Variants in TFB2M observed in about 807,000 individuals in gnomAD.
The protein encoded by TFB2M is transcription factor B2, mitochondrial.
Under a neutral mutation model 41.3 loss-of-function variants are expected in TFB2M, and 44 were observed. The ratio of observed to expected loss-of-function variants is 1.07; its 90% CI spans 0.84 to 1.37. The LOEUF (loss-of-function observed/expected upper bound fraction) is 1.37, where lower values mean the gene tolerates loss of function less well. Among genes scored for constraint, TFB2M ranks in the 40% most tolerant of loss-of-function variants. TFB2M has a pLI of 0.00. For missense variants in TFB2M, 496 were observed against 490.2 expected (o/e 1.01, Z -0.11); for synonymous variants, 188 against 176.8 (o/e 1.06, Z -0.50).
At chr1:246,561,681 C>A (rs981663414) in intron 2 of TFB2M, among the ~76,000 whole-genome samples, 1 of 152,142 alleles carries the variant, frequency 6.6e-6, no homozygotes, top group African/African-American at 2.4e-5. Context: ...GTTGGCCAGG[C>A]TGGTCTTGAA....
In TFB2M at chr1:246,556,683, C is replaced by A; in HGVS notation, c.595G>T (p.Gly199Cys). ...LKVVGMFPSR[G>C]EKRALWKLAY... ...AGTTTCCAAAGTGCCCTTTTCTCAC[C>A]TCTACTTGGGAACATTCCAACTACT... Residue 199 changes from glycine to cysteine, a missense_variant, in exon 4 of 8, where the codon GGT becomes TGT. Physicochemically the swap from Gly to Cys is radical, Grantham distance 159. Transcript: ENST00000366514. 1 of 1,580,752 alleles carries A rather than the reference C, an allele frequency of 6.3e-7. No individual in the cohort carries two copies. Among genetic ancestry groups the A allele is most frequent in the South Asian group, 1.2e-5 (1 of 83,876 alleles).
chr1:246,549,490 G>A (rs1377301202), intron 5 of TFB2M, among the ~76,000 whole-genome samples: 2 of 152,176 alleles, frequency 1.3e-5, no homozygotes, highest in Non-Finnish European at 2.9e-5. Context: ...GCTGAGGCGG[G>A]AGGATTGCTT....
intron 6 of TFB2M, among the ~76,000 whole-genome samples, chr1:246,548,109 G>T (rs1246179152): frequency 6.6e-6 from 1 of 152,152 alleles, no homozygotes; most frequent in African/African-American, 2.4e-5. Context: ...ACCACACCCA[G>T]CTAAGTTTTG....
chr1:246,557,666 T>C, intron 2 of TFB2M, 132 bp from the exon 3 acceptor site: 1 of 729,084 alleles, frequency 1.4e-6, no homozygotes, highest in South Asian at 2.4e-5. Context: ...CTGGGGTTTT[T>C]TTGTTTTGTT....
chr1:246,552,702 A>G (rs1659218663), intron 4 of TFB2M, among the ~76,000 whole-genome samples: 1 of 152,094 alleles, frequency 6.6e-6, no homozygotes, highest in Non-Finnish European at 1.5e-5. Flanking sequence ...CTGTCTCTAA[A>G]AAAATTTCTT....
rs1659509754 is a variant in TFB2M, at chr1:246,563,441, TA to T, written c.402+904del. The stretch of plus-strand genomic sequence containing the variant: ...CAACATGGTGAAACCCCGTCACTAC[TA>T]AAAATACAAAAGTCAGCTGGGCATA... On this transcript the variant is annotated intron_variant, in intron 2 of 7. Transcript: ENST00000366514. Among the ~76,000 whole-genome samples the T allele has an allele frequency of 2.0e-5, 3 of 152,014 alleles. No individual in the cohort carries two copies. In the South Asian group the frequency reaches 6.2e-4, roughly 32 times the overall value.
At chr1:246,554,649 T>C (rs916966131) in intron 4 of TFB2M, among the ~76,000 whole-genome samples, 2 of 152,154 alleles carry the variant, frequency 1.3e-5, no homozygotes, top group Admixed American at 6.6e-5. Context: ...GTATAATTAT[T>C]TCATTATATA....
intron 5 of TFB2M, among the ~76,000 whole-genome samples, chr1:246,549,280 G>T (rs181453718): frequency 6.6e-6 from 1 of 151,406 alleles, no homozygotes; most frequent in Admixed American, 6.6e-5. Flanking sequence ...TGTGCATAAG[G>T]CAATTTTAAG....
intron 2 of TFB2M, among the ~76,000 whole-genome samples, chr1:246,563,266 G>A (rs1483038295): frequency 6.7e-6 from 1 of 150,330 alleles, no homozygotes; most frequent in Non-Finnish European, 1.5e-5. Context: ...GCACTCATGT[G>A]TGAATAAGTG....
In TFB2M at chr1:246,564,542, G is replaced by C. The variant is rs917152426; in HGVS notation, c.314-108C>G. On this transcript the variant is annotated intron_variant, in intron 1 of 7. Transcript: ENST00000366514. ...ACGTTATTACCTGGTTTTTAAATCT[G>C]ACAGCATCCGCAAAGTAGATGTCAC... is the stretch of plus-strand genomic sequence containing the variant. 6.2e-5 allele frequency: 58 copies of C among 929,456 alleles called. No individual in the cohort carries two copies. The South Asian group carries it at 8.6e-4, about 14-fold the overall frequency. The allele number at this position is 929,456 out of a possible 1,614,324, so 57.6% of individuals were successfully genotyped here.
intron 5 of TFB2M, among the ~76,000 whole-genome samples, chr1:246,549,112 G>A (rs1379315214): frequency 6.6e-6 from 1 of 152,122 alleles, no homozygotes; most frequent in Non-Finnish European, 1.5e-5. Flanking sequence ...AAAGTGGGAG[G>A]GTTGCTTGAG....
chr1:246,542,661 G>A (rs943531548), intron 7 of TFB2M, among the ~76,000 whole-genome samples: 2 of 152,140 alleles, frequency 1.3e-5, no homozygotes, highest in Non-Finnish European at 2.9e-5. Flanking sequence ...AACAGAGTGA[G>A]ACTCTCTGTC....
At chr1:246,552,293 G>A (rs370110196) in intron 4 of TFB2M, among the ~76,000 whole-genome samples, 3 of 152,154 alleles carry the variant, frequency 2.0e-5, no homozygotes, top group Admixed American at 6.5e-5. Flanking sequence ...AGCATTTCCC[G>A]TCAAACTGGA....
chr1:246,546,983 A>ACACACACACACACAC lies in TFB2M; in HGVS notation c.858+1561_858+1562insGTGTGTGTGTGTGTG, dbSNP rs764498048. 9.2e-3 allele frequency among the ~76,000 whole-genome samples: 1,175 copies of ACACACACACACACAC among 127,144 alleles called. 9 individuals carry two copies. The highest frequency in any genetic ancestry group is 0.037 in the Middle Eastern group (8 of 216). 83.4% of individuals were successfully genotyped at this position (127,144 alleles called of 152,430 possible). On this transcript the variant is annotated intron_variant, in intron 6 of 7. Coordinates refer to ENST00000366514, the MANE Select transcript of TFB2M (RefSeq NM_022366.3). Reference sequence around the variant, plus strand: ...TGTATATATACACACACACACACACATTTTTTTTTTTTTTTTTTGAGACAA... The same window carrying ACACACACACACACAC: ...TGTATATATACACACACACACACACACACACACACACACACTTTTTTTTTTTTTTTTTTGAGACAA...
chr1:246,545,198 A>T (rs192698049), intron 6 of TFB2M, among the ~76,000 whole-genome samples: 7 of 152,328 alleles, frequency 4.6e-5, no homozygotes, highest in Admixed American at 4.6e-4. Flanking sequence ...TGTGATGAGT[A>T]ACCTTGAGGG....
rs182311299 is a variant in TFB2M, at chr1:246,553,170, G to A, written c.706-1868C>T. Among the ~76,000 whole-genome samples the A allele has an allele frequency of 7.3e-3, 1,115 of 152,194 alleles. 14 individuals are homozygous for A. Among genetic ancestry groups the A allele is most frequent in the African/African-American group, 0.025 (1,039 of 41,520 alleles). ...TGGGAGGCGGAGGTTGCAGTGAGCC[G>A]GGATTGCGCCACTGCACTCCAGCCT... is the stretch of plus-strand genomic sequence containing the variant. On this transcript the variant is annotated intron_variant, in intron 4 of 7. Coordinates refer to ENST00000366514, the MANE Select transcript of TFB2M (RefSeq NM_022366.3).
chr1:246,549,408 C>T (rs992134408), intron 5 of TFB2M, among the ~76,000 whole-genome samples: 1 of 151,722 alleles, frequency 6.6e-6, no homozygotes, highest in African/African-American at 2.4e-5. Flanking sequence ...ATGGTGAAAC[C>T]CTGTCTCTTC....
intron 6 of TFB2M, among the ~76,000 whole-genome samples, chr1:246,546,789 A>T (rs3124124): frequency 0.24 from 35,347 of 148,184 alleles, 4,532 homozygotes; most frequent in Middle Eastern, 0.41. Flanking sequence ...GGTCTCAAAC[A>T]AAACTTGGAT....
At chr1:246,544,499 T>TG in intron 7 of TFB2M, 22 bp downstream of exon 7, 1 of 1,570,748 alleles carries the variant, frequency 6.4e-7, no homozygotes, top group Non-Finnish European at 8.6e-7. Flanking sequence ...ACTTTATACT[T>TG]GCTTTTATTC....
Sources: gnomAD v4.1 joint callset for allele counts (sites outside exome capture counted in the v4.1 genomes callset) on GRCh38, gnomAD v4.1.1 for gene constraint, MANE v1.5 for transcripts, NCBI Gene and HGNC (gene_info 2026-07-23, HGNC 2026-07-21) for gene names.